The following ZBP1 variants were observed in gnomAD, a reference collection of about 807,000 sequenced individuals.
The protein encoded by ZBP1 is Z-DNA-binding protein 1.
Under a neutral mutation model 41.1 loss-of-function variants are expected in ZBP1, and 42 were observed. The observed-to-expected ratio is 1.02, with a 90% CI of 0.80 to 1.32. ZBP1 has a LOEUF of 1.32. ZBP1 is among the 40% of genes most tolerant of loss of function. ZBP1 has a pLI of 0.00. For synonymous variants in ZBP1, 214 were observed against 205.2 expected, an observed-to-expected ratio of 1.04 and a Z score of -0.37; for missense variants, 562 against 549.7, an observed-to-expected ratio of 1.02 and a Z score of -0.22.
At chr20:57,619,995 C>T (rs138312935) in intron 1 of ZBP1, among the ~76,000 whole-genome samples, 2 of 152,270 alleles carry the variant, frequency 1.3e-5, no homozygotes, top group East Asian at 1.9e-4. Flanking sequence ...CGCCACCATG[C>T]CCGGTTAATT....
Position 57,604,483 on chromosome 20 carries a change from A to G in ZBP1, c.*90T>C, listed in dbSNP as rs1022025951. 7.2e-5 allele frequency: 109 copies of G among 1,507,730 alleles called. No individual in the cohort carries two copies. Among genetic ancestry groups the G allele is most frequent in the Non-Finnish European group, 9.7e-5 (105 of 1,086,176 alleles). 93.4% of individuals were successfully genotyped at this position (1,507,730 alleles called of 1,614,324 possible). A position where few individuals can be genotyped will look rare whatever the true frequency, so the allele number is the denominator to read the frequency against. On this transcript the variant is annotated 3_prime_UTR_variant, in exon 8 of 8. Transcript: ENST00000371173. ...TGTCTGGAAGCAAGCAGGTCAAACA[A>G]GACGCTAAGGAATGCAGAGAGCAGC...
rs185968853 is a variant in ZBP1, at chr20:57,611,031, G to A, written c.875-664C>T. ...CAGCCCATCTCTGCATTCCCAGTGTGGGGGAGGCCTCTGCCTGGGGCCCTC... is the reference window on the plus strand; with the variant it reads ...CAGCCCATCTCTGCATTCCCAGTGTAGGGGAGGCCTCTGCCTGGGGCCCTC... On this transcript the variant is annotated intron_variant, in intron 6 of 7. Coordinates refer to ENST00000371173, the MANE Select transcript of ZBP1 (RefSeq NM_030776.3). Among the ~76,000 whole-genome samples, 301 of 152,234 alleles carry A rather than the reference G, an allele frequency of 2.0e-3. 1 individual carries two copies. Among genetic ancestry groups the A allele is most frequent in the African/African-American group, 7.1e-3 (295 of 41,542 alleles).
chr20:57,613,252 G>A lies in ZBP1; in HGVS notation c.581C>T (p.Pro194Leu). 6.2e-7 allele frequency: 1 copy of A among 1,614,212 alleles called. No individual in the cohort carries two copies. The highest frequency in any genetic ancestry group is 8.5e-7 in the Non-Finnish European group (1 of 1,180,036). The change falls in exon 5 of 8, where the codon CCC becomes CTC. Residue 194 changes from proline (P) to leucine (L), a missense_variant. By Grantham distance (98) the Pro-to-Leu change is moderately conservative (BLOSUM62 -3). Transcript: ENST00000371173. This position sits in a 1 kb window ranked among gnomAD's most constrained non-coding sequence, Gnocchi z 4.5. ...GTTTGCAATGGAAATCCAGCTGTTGGGTCCATTCTGGCAGATCATGTTGAT... is the reference window on the plus strand; with the variant it reads ...GTTTGCAATGGAAATCCAGCTGTTGAGTCCATTCTGGCAGATCATGTTGAT... ...NPINMICQNGPNSWISIANSE... is the reference protein window; with the variant it reads ...NPINMICQNGLNSWISIANSE...
At chr20:57,614,794 C>T in intron 4 of ZBP1, 93 bp downstream of exon 4, 2 of 1,509,636 alleles carry the variant, frequency 1.3e-6, no homozygotes, top group South Asian at 2.6e-5. Flanking sequence ...CTAGCAGTTT[C>T]CGGTGAGCTG....
At chr20:57,607,011 C>A in intron 7 of ZBP1, 1 of 1,263,360 alleles carries the variant, frequency 7.9e-7, no homozygotes, top group Non-Finnish European at 1.0e-6. Flanking sequence ...GCTAGCACAG[C>A]ATCCATTCTG....
intron 7 of ZBP1, chr20:57,606,916 T>G: frequency 9.0e-7 from 1 of 1,110,280 alleles, no homozygotes; most frequent in African/African-American, 1.7e-5. Context: ...AAAAAATTTT[T>G]TTTTTACTAC....
Position 57,609,160 on chromosome 20 carries a change from C to T in ZBP1, c.1093+989G>A, listed in dbSNP as rs977856751. ...CATGTCCTCACCTCCAGGCCATTGT[C>T]CACACTGTTCCACCCACCAGGTACA... On this transcript the variant is annotated intron_variant, in intron 7 of 7. Coordinates refer to ENST00000371173, the MANE Select transcript of ZBP1 (RefSeq NM_030776.3). Among the ~76,000 whole-genome samples the T allele has an allele frequency of 9.2e-5, 14 of 152,314 alleles. No homozygotes were observed. The South Asian group carries it at 1.7e-3, about 18-fold the overall frequency.
Position 57,604,597 on chromosome 20 carries a change from C to T in ZBP1, c.1266G>A (p.Gly422=), listed in dbSNP as rs6099680. ...ACTAAATCCCACCTCCCCACCAGCTCCCCTCGTGTGAGGCTTCATCCACAT... is the reference window on the plus strand; with the variant it reads ...ACTAAATCCCACCTCCCCACCAGCTTCCCTCGTGTGAGGCTTCATCCACAT... ...SHYVDEASHE[G]SWWGGGI The change falls in exon 8 of 8, where the codon GGG becomes GGA. Residue 422 remains glycine, a synonymous_variant. Coordinates refer to ENST00000371173, the MANE Select transcript of ZBP1 (RefSeq NM_030776.3). 4.0e-3 allele frequency: 6,433 copies of T among 1,614,024 alleles called. 207 individuals are homozygous for T. In the African/African-American group the frequency reaches 0.073, roughly 18 times the overall value.
Position 57,610,497 on chromosome 20 carries a change from G to T in ZBP1, c.875-130C>A. 1.2e-6 allele frequency: 1 copy of T among 851,542 alleles called. No individual in the cohort carries two copies. The highest frequency in any genetic ancestry group is 1.8e-6 in the Non-Finnish European group (1 of 552,316). 52.7% of individuals were successfully genotyped at this position (851,542 alleles called of 1,614,324 possible). ...TGGCCCACACCATCCCAGGAGCACA[G>T]CCTGTGCCTGCCCGCCACACCTCCA... On this transcript the variant is annotated intron_variant, in intron 6 of 7. Transcript: ENST00000371173. The surrounding 1 kb of genome is among the most constrained non-coding windows in gnomAD (Gnocchi z 5.5).
At chr20:57,604,797 T>A in intron 7 of ZBP1, 28 bp from the exon 8 acceptor site, 1 of 1,601,026 alleles carries the variant, frequency 6.2e-7, no homozygotes, top group Non-Finnish European at 8.5e-7. Flanking sequence ...GGGGATCAGC[T>A]TCATGGGCAC....
intron 7 of ZBP1, chr20:57,607,259 T>C (rs1227772779): frequency 7.7e-7 from 1 of 1,303,536 alleles, no homozygotes; most frequent in Admixed American, 2.3e-5. Context: ...CCAAATTTCA[T>C]GAATGACTTT....
chr20:57,612,666 G>A (rs576459429), intron 5 of ZBP1, among the ~76,000 whole-genome samples: 124 of 152,294 alleles, frequency 8.1e-4, no homozygotes, highest in Non-Finnish European at 1.2e-3. Flanking sequence ...GTGCAACACC[G>A]CATTTCATCC....
At position 57,618,552 on chromosome 20, in the gene ZBP1, C is replaced by T. The variant is rs545004884; in HGVS notation, c.34+1710G>A. On this transcript the variant is annotated intron_variant, in intron 1 of 7. Coordinates refer to ENST00000371173, the MANE Select transcript of ZBP1 (RefSeq NM_030776.3). ...CAGCACCTCCATGCACCTGACTTCA[C>T]ACCTGGCTTCACCTTGTCTCGCAGA... is the stretch of plus-strand genomic sequence containing the variant. Among the ~76,000 whole-genome samples, 18 of 152,322 alleles carry T rather than the reference C, an allele frequency of 1.2e-4. No individual in the cohort carries two copies. The East Asian group carries it at 3.1e-3, about 26-fold the overall frequency.
chr20:57,616,734 CG>C (rs2070845957), intron 1 of ZBP1: 2 of 502,860 alleles, frequency 4.0e-6, no homozygotes, highest in Middle Eastern at 5.6e-4. Context: ...GTGCCCTCCC[CG>C]GGTGTGGGTT....
chr20:57,605,973 C>A (rs2070486559), intron 7 of ZBP1, among the ~76,000 whole-genome samples: 1 of 152,122 alleles, frequency 6.6e-6, no homozygotes, highest in African/African-American at 2.4e-5. Flanking sequence ...CCCCAAACGG[C>A]CTCTATGTGC....
chr20:57,615,977 T>C, intron 2 of ZBP1: 1 of 562,786 alleles, frequency 1.8e-6, no homozygotes, highest in Non-Finnish European at 3.2e-6. Context: ...ATGATGATTT[T>C]CTATTATAAT....
intron 4 of ZBP1, among the ~76,000 whole-genome samples, chr20:57,614,254 C>G (rs1312017501): frequency 6.6e-6 from 1 of 152,192 alleles, no homozygotes; most frequent in African/African-American, 2.4e-5. Flanking sequence ...AGACTGGTCA[C>G]TCCTGACCTC....
chr20:57,608,028 G>A (rs2070539681), intron 7 of ZBP1, among the ~76,000 whole-genome samples: 1 of 152,108 alleles, frequency 6.6e-6, no homozygotes, highest in Non-Finnish European at 1.5e-5. Flanking sequence ...AAAGAGAGGT[G>A]GGTGGGTCAG....
chr20:57,611,851 C>T lies in ZBP1; in HGVS notation c.750G>A (p.Gly250=), dbSNP rs759516943. ...STWGTLVDPW[G]PQDIHMEQSI... is the part of the protein sequence containing the mutation. Reference sequence around the variant, plus strand: ...ACTGCTCCATGTGGATGTCCTGGGGCCCCCAGGGATCAACTAGGGTCCCCC... The same window carrying T: ...ACTGCTCCATGTGGATGTCCTGGGGTCCCCAGGGATCAACTAGGGTCCCCC... The change falls in exon 6 of 8, where the codon GGG becomes GGA. Residue 250 remains glycine (G), a synonymous_variant. Transcript: ENST00000371173. 12 of 1,595,746 alleles carry T rather than the reference C, an allele frequency of 7.5e-6. No individual in the cohort carries two copies. The Admixed American group carries it at 1.7e-4, about 23-fold the overall frequency.
Sources: gnomAD v4.1 joint callset for allele counts (sites outside exome capture counted in the v4.1 genomes callset) on GRCh38, gnomAD v4.1.1 for gene constraint, Gnocchi (gnomAD v3.1) non-coding constraint, MANE v1.5 for transcripts, NCBI Gene and HGNC (gene_info 2026-07-23, HGNC 2026-07-21) for gene names.